The following SLC6A7 variants were observed in gnomAD, a reference collection of about 807,000 sequenced individuals.
SLC6A7 encodes solute carrier family 6 member 7.
Under a neutral mutation model 73.1 loss-of-function variants are expected in SLC6A7, and 58 were observed. That is an observed-to-expected ratio of 0.79 (90% CI 0.64 to 0.99). The LOEUF (loss-of-function observed/expected upper bound fraction) is 0.99, where lower values mean the gene tolerates loss of function less well. SLC6A7 is among the 50% of genes least tolerant of loss of function. SLC6A7 has a pLI of 0.00. For synonymous variants in SLC6A7, 338 were observed against 338.7 expected (o/e 1.00, Z 0.02); for missense variants, 783 against 831.4 (o/e 0.94, Z 0.72).
intron 4 of SLC6A7, among the ~76,000 whole-genome samples, chr5:150,198,811 GGTGTGTGTGTGTGTGTGT>G (rs774414750): frequency 1.8e-5 from 2 of 112,102 alleles, no homozygotes; most frequent in East Asian, 2.8e-4. Context: ...GGCCCTGGAT[GGTGTGTGTGTGTGTGTGT>G]GTGTGTGTGT....
At position 150,194,885 on chromosome 5, in the gene SLC6A7, C is replaced by G. The variant is rs775166670; in HGVS notation, c.191C>G (p.Pro64Arg). ...GGCCTGGGGAATGTCTGGCGCTTCC[C>G]CTATCGAGCGTACACCAATGGAGGA... ...CVGLGNVWRF[P>R]YRAYTNGGGA... Residue 64 changes from proline (P) to arginine (R), a missense_variant, in exon 2 of 14, where the codon CCC becomes CGC. Physicochemically the swap from Pro to Arg is moderately radical, Grantham distance 103 (BLOSUM62 -2). Transcript: ENST00000230671. 2 of 1,614,120 alleles carry G rather than the reference C, an allele frequency of 1.2e-6. No individual in the cohort carries two copies. Among genetic ancestry groups the G allele is most frequent in the South Asian group, 2.2e-5 (2 of 91,064 alleles).
At position 150,209,801 on chromosome 5, in the gene SLC6A7, C is replaced by G; in HGVS notation, c.*186C>G. 1 of 615,980 alleles carries G rather than the reference C, an allele frequency of 1.6e-6. No homozygotes were observed. The highest frequency in any genetic ancestry group is 2.9e-6 in the Non-Finnish European group (1 of 341,304). The allele number at this position is 615,980 out of a possible 1,614,324, so 38.2% of individuals were successfully genotyped here. A position where few individuals can be genotyped will look rare whatever the true frequency, so the allele number is the denominator to read the frequency against. ...CTCTCCTGAAACCTCTGACAACCCC[C>G]TACACACACACACAGGCATACTCAG... On this transcript the variant is annotated 3_prime_UTR_variant, in exon 14 of 14. Transcript: ENST00000230671.
At chr5:150,198,429 T>G (rs1220510755) in intron 4 of SLC6A7, among the ~76,000 whole-genome samples, 3 of 152,240 alleles carry the variant, frequency 2.0e-5, no homozygotes, top group Non-Finnish European at 2.9e-5. Flanking sequence ...CAAGTCCATC[T>G]GAAGTGTCCG....
At chr5:150,190,658 G>A (rs1752738469) in intron 1 of SLC6A7, among the ~76,000 whole-genome samples, 1 of 152,180 alleles carries the variant, frequency 6.6e-6, no homozygotes, top group African/African-American at 2.4e-5. Context: ...CCGGGGCCAG[G>A]CACCCACCTC....
rs780195421 is a variant in SLC6A7 at position 150,204,818 on chromosome 5, C to G, written c.1433-9C>G. The G allele has an allele frequency of 6.3e-6, 10 of 1,599,420 alleles. No homozygotes were observed. Among genetic ancestry groups the G allele is most frequent in the Non-Finnish European group, 8.6e-7 (1 of 1,166,836 alleles). ...GGTGGGGCCATTCCTCCTCCCCTCC[C>G]CTGTGCAGGCATTCAGAGGTTCTGC... On this transcript the variant is annotated splice_polypyrimidine_tract_variant and intron_variant, in intron 11 of 13. Coordinates refer to ENST00000230671, the MANE Select transcript of SLC6A7 (RefSeq NM_014228.5).
At chr5:150,206,895 G>A (rs1407227981) in intron 13 of SLC6A7, among the ~76,000 whole-genome samples, 3 of 152,160 alleles carry the variant, frequency 2.0e-5, no homozygotes, top group East Asian at 3.9e-4. Context: ...AGTCACCACC[G>A]CCCCGCTGCC....
intron 4 of SLC6A7, among the ~76,000 whole-genome samples, chr5:150,198,817 T>TGG (rs1753210768): frequency 1.1e-5 from 1 of 94,668 alleles, no homozygotes; most frequent in Non-Finnish European, 2.2e-5. Context: ...GGATGGTGTG[T>TGG]GTGTGTGTGT....
rs769642168 is a variant in SLC6A7, at chr5:150,203,768, C to T, written c.1189C>T (p.Leu397=). ...LFFFMLLTLG[L]DSQFAFLETI... ...CTTCTTCATGCTTCTGACTCTCGGCCTAGATAGCCAGGTGAGTCTCGTCTG... is the reference window on the plus strand; with the variant it reads ...CTTCTTCATGCTTCTGACTCTCGGCTTAGATAGCCAGGTGAGTCTCGTCTG... The change falls in exon 9 of 14, where the codon CTA becomes TTA. Residue 397 remains leucine, a synonymous_variant. Transcript: ENST00000230671. 6.3e-7 allele frequency: 1 copy of T among 1,598,266 alleles called. No individual in the cohort carries two copies. The highest frequency in any genetic ancestry group is 8.6e-7 in the Non-Finnish European group (1 of 1,166,366).
In SLC6A7 at chr5:150,210,178, T is replaced by C. The variant is rs1259427178; in HGVS notation, c.*563T>C. 1.3e-5 allele frequency: 2 copies of C among 158,886 alleles called. No individual in the cohort carries two copies. The highest frequency in any genetic ancestry group is 4.8e-5 in the African/African-American group (2 of 41,474). The allele number at this position is 158,886 out of a possible 1,614,324, so 9.8% of individuals were successfully genotyped here. On this transcript the variant is annotated 3_prime_UTR_variant, in exon 14 of 14. Transcript: ENST00000230671. The stretch of plus-strand genomic sequence containing the variant: ...AGAAAGATCCCTGGGGGCTCCTGTA[T>C]GCAGGACTCCTGAAGGAGGTGGGAG...
Position 150,196,812 on chromosome 5 carries a change from C to G in SLC6A7, c.314C>G (p.Pro105Arg). Residue 105 changes from proline (P) to arginine (R), a missense_variant, in exon 3 of 14, where the codon CCC (proline) becomes CGC (arginine). Pro to Arg is a moderately radical substitution (Grantham distance 103). Coordinates refer to ENST00000230671, the MANE Select transcript of SLC6A7 (RefSeq NM_014228.5). ...CTGGGCCAGTTCTCCAGCCTAGGGC[C>G]CCTGGCTGTCTGGAAAATCAGCCCT... ...LSLGQFSSLG[P>R]LAVWKISPLF... is the part of the protein sequence containing the mutation. 1 of 1,614,042 alleles carries G rather than the reference C, an allele frequency of 6.2e-7. No homozygotes were observed. Among genetic ancestry groups the G allele is most frequent in the Non-Finnish European group, 8.5e-7 (1 of 1,179,930 alleles).
rs753256147 is a variant in SLC6A7 at position 150,204,858 on chromosome 5, G to A, written c.1464G>A (p.Met488Ile). The change falls in exon 12 of 14, where the codon ATG (methionine) becomes ATA (isoleucine). Residue 488 changes from methionine (M) to isoleucine (I), a missense_variant. Coordinates refer to ENST00000230671, the MANE Select transcript of SLC6A7 (RefSeq NM_014228.5). Reference protein sequence around the residue: ...GIQRFCRDIHMMLGFKPGLYF... With the variant: ...GIQRFCRDIHIMLGFKPGLYF... ...AGAGGTTCTGCCGAGACATCCACAT[G>A]ATGCTGGGCTTCAAGCCGGGCCTCT... 8 of 1,584,182 alleles carry A rather than the reference G, an allele frequency of 5.0e-6. No individual in the cohort carries two copies. In the Admixed American group the frequency reaches 1.4e-4, roughly 27 times the overall value.
At chr5:150,207,895 C>T (rs1328680680) in intron 13 of SLC6A7, among the ~76,000 whole-genome samples, 1 of 151,464 alleles carries the variant, frequency 6.6e-6, no homozygotes, top group Non-Finnish European at 1.5e-5. Context: ...CCTTGGGGGA[C>T]ATTTGGCAAT....
At position 150,204,050 on chromosome 5, in the gene SLC6A7, T is replaced by C. The variant is rs373095882; in HGVS notation, c.1332+12T>C. ...TCCTCACCACTGATGTGAGTGGCGC[T>C]ACAGGGAGGATGGCAGGTGGGCGGG... On this transcript the variant is annotated intron_variant, in intron 10 of 13. Transcript: ENST00000230671. 5.0e-6 allele frequency: 8 copies of C among 1,610,520 alleles called. No homozygotes were observed. The highest frequency in any genetic ancestry group is 5.1e-6 in the Non-Finnish European group (6 of 1,178,270).
At chr5:150,205,870 G>A (rs3815375) in intron 13 of SLC6A7, among the ~76,000 whole-genome samples, 56,409 of 151,990 alleles carry the variant, frequency 0.37, 12,425 homozygotes, top group Non-Finnish European at 0.51. Flanking sequence ...CTGGCCCCAG[G>A]TCCCACCGTG....
At position 150,210,348 on chromosome 5, in the gene SLC6A7, G is replaced by C. The variant is rs572000764; in HGVS notation, c.*733G>C. The C allele has an allele frequency of 6.5e-6, 1 of 153,562 alleles. No homozygotes were observed. The highest frequency in any genetic ancestry group is 1.9e-4 in the East Asian group (1 of 5,318). The allele number at this position is 153,562 out of a possible 1,614,324, so 9.5% of individuals were successfully genotyped here. The stretch of plus-strand genomic sequence containing the variant: ...ACTAGTTTTACCAGGTTACAGGAGG[G>C]TTCAAGACAGAAGGAAAACTAACAG... On this transcript the variant is annotated 3_prime_UTR_variant, in exon 14 of 14. Transcript: ENST00000230671.
intron 6 of SLC6A7, 122 bp from the exon 7 acceptor site, chr5:150,202,225 A>ATGACCACGCCATCCCTCG: frequency 1.4e-6 from 1 of 713,380 alleles, no homozygotes; most frequent in Non-Finnish European, 2.5e-6. Flanking sequence ...AGCCAGGCTC[A>ATGACCACGCCATCCCTCG]TGACCACGCC....
In SLC6A7 at chr5:150,202,707, G is replaced by C. The variant is rs1221621729; in HGVS notation, c.1087+4G>C. On this transcript the variant is annotated splice_donor_region_variant and intron_variant, in intron 8 of 13. Transcript: ENST00000230671. Reference sequence around the variant, plus strand: ...GTGGACCAAGTAGCCAAAGCAGGTGGGCAGGCTGCCAGGCCTCAGTGGGGT... The same window carrying C: ...GTGGACCAAGTAGCCAAAGCAGGTGCGCAGGCTGCCAGGCCTCAGTGGGGT... The C allele has an allele frequency of 5.6e-6, 9 of 1,613,898 alleles. No homozygotes were observed. The highest frequency in any genetic ancestry group is 6.8e-6 in the Non-Finnish European group (8 of 1,179,880).
intron 5 of SLC6A7, 116 bp from the exon 6 acceptor site, chr5:150,200,973 G>T: frequency 9.4e-7 from 1 of 1,066,790 alleles, no homozygotes; most frequent in Non-Finnish European, 1.4e-6. Context: ...ATGAAGGCCG[G>T]TTCCTGGCTT....
At chr5:150,206,984 C>T (rs866917997) in intron 13 of SLC6A7, among the ~76,000 whole-genome samples, 4 of 152,160 alleles carry the variant, frequency 2.6e-5, no homozygotes, top group African/African-American at 7.2e-5. Context: ...GTGAGCACTG[C>T]GGAAGAGGCA....
Sources: allele counts gnomAD v4.1 joint callset (sites outside exome capture counted in the v4.1 genomes callset), GRCh38; gene constraint gnomAD v4.1.1; transcripts MANE v1.5; gene names NCBI Gene and HGNC (gene_info 2026-07-23, HGNC 2026-07-21).